PLCG2: variants seen among roughly 807,000 people sequenced by gnomAD.
PLCG2 encodes phospholipase C gamma 2, also known as 1-phosphatidylinositol 4,5-bisphosphate phosphodiesterase gamma-2.
Under a neutral mutation model 175.6 loss-of-function variants are expected in PLCG2, and 69 were observed. The observed-to-expected ratio is 0.39, with a 90% CI of 0.32 to 0.48. PLCG2 has a LOEUF of 0.48. Among genes scored for constraint, PLCG2 ranks in the 20% least tolerant of loss-of-function variants. The pLI is 0.91. For synonymous variants in PLCG2, 827 were observed against 624.0 expected, an observed-to-expected ratio of 1.33 and a Z score of -4.85; for missense variants, 1,798 against 1,650.9, an observed-to-expected ratio of 1.09 and a Z score of -1.54.
chr16:81,777,134 G>A (rs1212142031), upstream of PLCG2, among the ~76,000 whole-genome samples: 1 of 151,982 alleles, frequency 6.6e-6, no homozygotes, highest in East Asian at 1.9e-4. Context: ...AGAGAAACCT[G>A]TTCTTCATGT....
chr16:81,946,024 C>A, intron 30 of PLCG2, 151 bp from the exon 31 acceptor site: 1 of 663,888 alleles, frequency 1.5e-6, no homozygotes, highest in South Asian at 1.7e-5. Context: ...CAGGATAGGA[C>A]CTCTGGCTTC....
At chr16:81,821,010 G>C (rs369090020) in intron 2 of PLCG2, among the ~76,000 whole-genome samples, 1 of 151,458 alleles carries the variant, frequency 6.6e-6, no homozygotes, top group Non-Finnish European at 1.5e-5. Context: ...GCCCACCTCA[G>C]CCTCCTGAGT....
At chr16:81,787,209 CTT>C (rs34340682) in intron 2 of PLCG2, among the ~76,000 whole-genome samples, 3 of 149,752 alleles carry the variant, frequency 2.0e-5, no homozygotes, top group Admixed American at 6.7e-5. Flanking sequence ...TCATTGTACT[CTT>C]TTTTTTTTAA....
intron 31 of PLCG2, among the ~76,000 whole-genome samples, chr16:81,951,042 C>A (rs1019272942): frequency 6.6e-6 from 1 of 152,150 alleles, no homozygotes; most frequent in Admixed American, 6.5e-5. Flanking sequence ...GCCTGGAATA[C>A]AGTGGTGTGA....
Position 81,962,317 on chromosome 16 carries a change from T to A in PLCG2, c.*4319T>A, listed in dbSNP as rs1004690793. On this transcript the variant is annotated 3_prime_UTR_variant, in exon 33 of 33. Coordinates refer to ENST00000564138, the MANE Select transcript of PLCG2 (RefSeq NM_002661.5). ...TTTTTGAACCCAACCGTAAAAGCTA[T>A]CTTCTAACCAACAAAAAGTTAATAA... 4.9e-6 allele frequency: 1 copy of A among 202,628 alleles called. No homozygotes were observed. Among genetic ancestry groups the A allele is most frequent in the South Asian group, 1.9e-4 (1 of 5,266 alleles). 12.6% of individuals were successfully genotyped at this position (202,628 alleles called of 1,614,324 possible). A position where few individuals can be genotyped will look rare whatever the true frequency, so the allele number is the denominator to read the frequency against.
intron 19 of PLCG2, among the ~76,000 whole-genome samples, chr16:81,918,130 T>C (rs1909919283): frequency 1.3e-5 from 2 of 152,238 alleles, no homozygotes; most frequent in South Asian, 4.1e-4. Flanking sequence ...TTGCAGATGT[T>C]TTTCCCATTC....
rs566722658 is a variant in PLCG2, at chr16:81,910,640, C to G, written c.1854C>G (p.Arg618=). ...SSIYALIQHY[R]ETHLRCAEFE... ...TCTATGCCCTCATCCAGCACTACCG[C>G]GAGACGCACCTGCGCTGCGCCGAGT... is the stretch of plus-strand genomic sequence containing the variant. The change falls in exon 18 of 33, where the codon CGC becomes CGG. Residue 618 remains arginine (R), a synonymous_variant. Coordinates refer to ENST00000564138, the MANE Select transcript of PLCG2 (RefSeq NM_002661.5). 2.0e-5 allele frequency: 32 copies of G among 1,614,000 alleles called. No homozygotes were observed. The Admixed American group carries it at 3.0e-4, about 15-fold the overall frequency.
chr16:81,845,100 G>A (rs551553353), intron 2 of PLCG2, among the ~76,000 whole-genome samples: 4 of 152,180 alleles, frequency 2.6e-5, no homozygotes, highest in African/African-American at 7.2e-5. Flanking sequence ...GGCTAACTGC[G>A]TTTATTTTTT....
Position 81,859,191 on chromosome 16 carries a change from C to T in PLCG2, c.479+28C>T, listed in dbSNP as rs190046451. 10 of 1,491,422 alleles carry T rather than the reference C, an allele frequency of 6.7e-6. No homozygotes were observed. In the Admixed American group the frequency reaches 1.7e-4, roughly 25 times the overall value. The allele number at this position is 1,491,422 out of a possible 1,614,324, so 92.4% of individuals were successfully genotyped here. On this transcript the variant is annotated intron_variant, in intron 5 of 32. Transcript: ENST00000564138. ...AAGAGTCATTCAGTTTTTTTCTGATCACTTTGGATTTCGATCCTCATTCTA... is the reference window on the plus strand; with the variant it reads ...AAGAGTCATTCAGTTTTTTTCTGATTACTTTGGATTTCGATCCTCATTCTA...
intron 5 of PLCG2, among the ~76,000 whole-genome samples, chr16:81,861,068 C>A (rs11150418): frequency 0.32 from 49,276 of 151,922 alleles, 8,451 homozygotes; most frequent in East Asian, 0.58. Flanking sequence ...AAAACCAAAA[C>A]CAAACCCTAC....
At chr16:81,814,049 G>C (rs1904432405) in intron 2 of PLCG2, among the ~76,000 whole-genome samples, 1 of 152,160 alleles carries the variant, frequency 6.6e-6, no homozygotes, top group South Asian at 2.1e-4. Flanking sequence ...GATCTAGAAG[G>C]CAGGTCTGGT....
intron 4 of PLCG2, 117 bp downstream of exon 4, chr16:81,858,473 T>A: frequency 6.7e-6 from 5 of 751,824 alleles, no homozygotes; most frequent in Non-Finnish European, 1.2e-5. Flanking sequence ...TTTTTGAGGC[T>A]CGTTGAGTGT....
At chr16:81,775,749 T>C (rs538450124), upstream of PLCG2, among the ~76,000 whole-genome samples, 1 of 152,308 alleles carries the variant, frequency 6.6e-6, no homozygotes, top group South Asian at 2.1e-4. Flanking sequence ...TCTTTCAGGT[T>C]ATTCTTTCTT....
chr16:81,839,555 T>A (rs1423522095), intron 2 of PLCG2, among the ~76,000 whole-genome samples: 2 of 152,196 alleles, frequency 1.3e-5, no homozygotes, highest in Non-Finnish European at 2.9e-5. Flanking sequence ...ATCTAATACT[T>A]ATTTTAATAT....
At chr16:81,851,810 G>A (rs62045706) in intron 2 of PLCG2, among the ~76,000 whole-genome samples, 26,768 of 152,144 alleles carry the variant, frequency 0.18, 2,551 homozygotes, top group Non-Finnish European at 0.21. Context: ...ACCAGTGCCC[G>A]GCTTGTTTTC....
At chr16:81,878,630 T>A (rs1413864691) in intron 7 of PLCG2, among the ~76,000 whole-genome samples, 3 of 152,162 alleles carry the variant, frequency 2.0e-5, no homozygotes, top group African/African-American at 2.4e-5. Context: ...CTTGTTTCCA[T>A]CCCTGCCTCC....
chr16:81,871,385 C>T (rs914416252), intron 7 of PLCG2, among the ~76,000 whole-genome samples: 1 of 152,194 alleles, frequency 6.6e-6, no homozygotes, highest in Admixed American at 6.5e-5. Context: ...GTTGCCCAGG[C>T]TGGAGTGCAG....
rs1911783353 is a variant in PLCG2 at position 81,961,735 on chromosome 16, G to C, written c.*3737G>C. Reference sequence around the variant, plus strand: ...GTATCTATCAAATAACTTATATTAAGAACCTCCTGGGCTAAATTTAAAAAG... The same window carrying C: ...GTATCTATCAAATAACTTATATTAACAACCTCCTGGGCTAAATTTAAAAAG... On this transcript the variant is annotated 3_prime_UTR_variant, in exon 33 of 33. Transcript: ENST00000564138. The C allele has an allele frequency of 9.7e-6, 2 of 205,712 alleles. No individual in the cohort carries two copies. Among genetic ancestry groups the C allele is most frequent in the East Asian group, 1.5e-4 (2 of 13,346 alleles). 12.7% of individuals were successfully genotyped at this position (205,712 alleles called of 1,614,324 possible).
chr16:81,896,505 C>G (rs980800960), intron 13 of PLCG2, among the ~76,000 whole-genome samples: 2 of 151,658 alleles, frequency 1.3e-5, no homozygotes, highest in Admixed American at 1.3e-4. Context: ...TTGAACCTGG[C>G]AGGCAGAGGT....
Sources: gnomAD v4.1 joint callset for allele counts (sites outside exome capture counted in the v4.1 genomes callset) on GRCh38, gnomAD v4.1.1 for gene constraint, MANE v1.5 for transcripts, NCBI Gene and HGNC (gene_info 2026-07-23, HGNC 2026-07-21) for gene names.